The following ITGA8 variants were observed in gnomAD, a reference collection of about 807,000 sequenced individuals.
The protein encoded by ITGA8 is integrin subunit alpha 8, also known as integrin alpha-8.
Under a neutral mutation model 142.3 loss-of-function variants are expected in ITGA8, and 91 were observed. That is an observed-to-expected ratio of 0.64 (90% confidence interval 0.54 to 0.76). The LOEUF is 0.76. ITGA8 is among the 30% of genes least tolerant of loss of function. The pLI, the probability that ITGA8 is intolerant of heterozygous loss-of-function variation, is 0.00. For missense variants in ITGA8, 1,406 were observed against 1,327.7 expected (o/e 1.06, Z -0.92); for synonymous variants, 505 against 485.2 (o/e 1.04, Z -0.54).
intron 23 of ITGA8, 138 bp downstream of exon 23, chr10:15,586,446 T>C: frequency 1.7e-6 from 1 of 586,602 alleles, no homozygotes; most frequent in East Asian, 2.9e-5. Flanking sequence ...TAACGATCAG[T>C]AGAAAAGAGT....
intron 8 of ITGA8, among the ~76,000 whole-genome samples, chr10:15,662,326 CTTTTTTTTT>C (rs200922550): frequency 2.8e-5 from 2 of 72,714 alleles, no homozygotes; most frequent in African/African-American, 6.7e-5. Context: ...TCAGAAGGTC[CTTTTTTTTT>C]TTTTTTTTTT....
At chr10:15,563,949 A>G (rs940239775) in intron 25 of ITGA8, among the ~76,000 whole-genome samples, 1 of 152,024 alleles carries the variant, frequency 6.6e-6, no homozygotes, top group Non-Finnish European at 1.5e-5. Flanking sequence ...CCAATACCCC[A>G]AAGAAAACTC....
intron 6 of ITGA8, among the ~76,000 whole-genome samples, chr10:15,673,077 G>C (rs1055837085): frequency 1.3e-5 from 2 of 152,142 alleles, no homozygotes; most frequent in Middle Eastern, 3.4e-3. Context: ...TTGTTTGTTT[G>C]TTTGTTTGTT....
rs551825277 is a variant in ITGA8, at chr10:15,662,413, A to G, written c.848-1491T>C. Among the ~76,000 whole-genome samples the G allele has an allele frequency of 2.3e-5, 3 of 132,220 alleles. No homozygotes were observed. The East Asian group carries it at 6.6e-4, about 29-fold the overall frequency. 86.7% of individuals were successfully genotyped at this position (132,220 alleles called of 152,430 possible). A position where few individuals can be genotyped will look rare whatever the true frequency, so the allele number is the denominator to read the frequency against. On this transcript the variant is annotated intron_variant, in intron 8 of 29. Transcript: ENST00000378076. Reference sequence around the variant, plus strand: ...TGTAGTGGCATGATCATCATGGCTCACTGCAGCCTCAACCTCCTGGGCTCA... The same window carrying G: ...TGTAGTGGCATGATCATCATGGCTCGCTGCAGCCTCAACCTCCTGGGCTCA...
intron 23 of ITGA8, among the ~76,000 whole-genome samples, chr10:15,584,016 G>T (rs1429653156): frequency 1.3e-5 from 2 of 152,184 alleles, no homozygotes; most frequent in Non-Finnish European, 2.9e-5. Context: ...TGTAAAAAAG[G>T]CTGGGTGTGA....
At chr10:15,701,496 T>C (rs1163394017) in intron 2 of ITGA8, among the ~76,000 whole-genome samples, 1 of 152,192 alleles carries the variant, frequency 6.6e-6, no homozygotes, top group African/African-American at 2.4e-5. Flanking sequence ...TCTTTTTTTT[T>C]TCTTCATGGG....
chr10:15,714,821 G>C (rs1311275099), intron 2 of ITGA8, among the ~76,000 whole-genome samples: 11 of 152,156 alleles, frequency 7.2e-5, no homozygotes. Context: ...CAAAGTCTAA[G>C]CTGAGAGAAT....
At chr10:15,602,564 C>A (rs1054650611) in intron 20 of ITGA8, among the ~76,000 whole-genome samples, 1 of 152,022 alleles carries the variant, frequency 6.6e-6, no homozygotes, top group Non-Finnish European at 1.5e-5. Flanking sequence ...ATAGCAAAAC[C>A]CCCTCTCTAC....
intron 11 of ITGA8, among the ~76,000 whole-genome samples, chr10:15,648,102 CTT>C (rs1234276696): frequency 6.6e-6 from 1 of 152,146 alleles, no homozygotes; most frequent in Non-Finnish European, 1.5e-5. Flanking sequence ...GAATGGGAAA[CTT>C]CACTATAAGC....
chr10:15,662,302 T>C (rs1834303257), intron 8 of ITGA8, among the ~76,000 whole-genome samples: 1 of 147,322 alleles, frequency 6.8e-6, no homozygotes, highest in Non-Finnish European at 1.5e-5. Flanking sequence ...TTTCAATAAC[T>C]CAAGGTGAAA....
At chr10:15,664,657 C>A (rs1439026098) in intron 8 of ITGA8, among the ~76,000 whole-genome samples, 2 of 107,630 alleles carry the variant, frequency 1.9e-5, no homozygotes, top group Admixed American at 1.1e-4. Context: ...CTAATGCTAT[C>A]CCTCCCCCCT....
At chr10:15,536,626 T>C (rs1367029397) in intron 27 of ITGA8, among the ~76,000 whole-genome samples, 2 of 152,208 alleles carry the variant, frequency 1.3e-5, no homozygotes, top group Non-Finnish European at 2.9e-5. Context: ...AATTTAGGAT[T>C]GAAAACCCAG....
chr10:15,596,965 C>T (rs1564367279), intron 21 of ITGA8: 1 of 416,672 alleles, frequency 2.4e-6, no homozygotes, highest in East Asian at 3.5e-5. Context: ...AACTAAAAGA[C>T]AGGCAAGAGT....
At chr10:15,659,161 A>G in intron 9 of ITGA8, 106 bp from the exon 10 acceptor site, 1 of 658,030 alleles carries the variant, frequency 1.5e-6, no homozygotes, top group Non-Finnish European at 2.6e-6. Flanking sequence ...AGTGTGATAA[A>G]TGGTTAGCTA....
At chr10:15,709,017 T>C (rs1835313099) in intron 2 of ITGA8, among the ~76,000 whole-genome samples, 1 of 152,188 alleles carries the variant, frequency 6.6e-6, no homozygotes, top group South Asian at 2.1e-4. Context: ...GGGTCTGCTT[T>C]GACCTCATAA....
At chr10:15,608,597 A>G (rs903843272) in intron 15 of ITGA8, among the ~76,000 whole-genome samples, 3 of 152,194 alleles carry the variant, frequency 2.0e-5, no homozygotes, top group African/African-American at 4.8e-5. Context: ...ACAGGTCAGT[A>G]TCTTCCATGT....
chr10:15,616,373 CA>C (rs1357945563), intron 14 of ITGA8, 140 bp downstream of exon 14: 11 of 687,612 alleles, frequency 1.6e-5, no homozygotes, highest in Admixed American at 2.6e-5. Context: ...AGAGTGAGAG[CA>C]AAAAATACCT....
chr10:15,575,372 AC>A (rs1834266036), intron 24 of ITGA8, 116 bp downstream of exon 24: 1 of 752,698 alleles, frequency 1.3e-6, no homozygotes, highest in Non-Finnish European at 2.3e-6. Context: ...CCTGGGAGAC[AC>A]AGCGAGATCC....
chr10:15,660,123 G>A (rs900094673), intron 9 of ITGA8, among the ~76,000 whole-genome samples: 9 of 152,262 alleles, frequency 5.9e-5, no homozygotes, highest in East Asian at 1.9e-4. Flanking sequence ...TGTATGAGGC[G>A]TATTAAGTTG....
Sources: gnomAD v4.1 joint callset for allele counts (sites outside exome capture counted in the v4.1 genomes callset) on GRCh38, gnomAD v4.1.1 for gene constraint, MANE v1.5 for transcripts, NCBI Gene and HGNC (gene_info 2026-07-23, HGNC 2026-07-21) for gene names.